BCAS3: variants seen among roughly 807,000 people sequenced by gnomAD.
The protein encoded by BCAS3 is BCAS3 microtubule associated cell migration factor, also known as BCAS4/BCAS3 fusion.
BCAS3 carries 53 observed loss-of-function variants against 116.1 expected under a neutral mutation model. The ratio of observed to expected loss-of-function variants is 0.46; its 90% CI spans 0.37 to 0.57. BCAS3 has a LOEUF of 0.57. BCAS3 is among the 20% of genes least tolerant of loss of function. BCAS3 has a pLI of 0.00. For synonymous variants in BCAS3, 391 were observed against 408.2 expected, an observed-to-expected ratio of 0.96 and a Z score of 0.51; for missense variants, 917 against 1,165.4, an observed-to-expected ratio of 0.79 and a Z score of 3.10.
intron 10 of BCAS3, chr17:60,891,738 G>A: frequency 2.2e-6 from 1 of 455,968 alleles, no homozygotes; most frequent in Non-Finnish European, 4.4e-6. Context: ...TCAGCTTCTA[G>A]TGTATCCATC....
intron 22 of BCAS3, among the ~76,000 whole-genome samples, chr17:61,263,737 A>G (rs2049425145): frequency 1.3e-5 from 2 of 152,246 alleles, no homozygotes; most frequent in African/African-American, 2.4e-5. Flanking sequence ...CATGTATTAT[A>G]AAGCTGTAAT....
At chr17:61,001,479 A>C (rs1004666084) in intron 15 of BCAS3, among the ~76,000 whole-genome samples, 8 of 152,194 alleles carry the variant, frequency 5.3e-5, no homozygotes, top group Non-Finnish European at 8.8e-5. Context: ...AATCAATGAT[A>C]ATGTGATGTT....
chr17:61,119,926 C>G (rs2075695910), intron 22 of BCAS3, among the ~76,000 whole-genome samples: 1 of 151,722 alleles, frequency 6.6e-6, no homozygotes, highest in African/African-American at 2.4e-5. Flanking sequence ...AGGAATAACC[C>G]TAAGAAGAAA....
intron 13 of BCAS3, among the ~76,000 whole-genome samples, chr17:60,937,076 A>G (rs1448362153): frequency 6.6e-6 from 1 of 152,134 alleles, no homozygotes; most frequent in Non-Finnish European, 1.5e-5. Context: ...CTTTCTACAT[A>G]TGGCTAGCCA....
chr17:61,357,257 TAAA>T (rs1217494978), intron 22 of BCAS3, among the ~76,000 whole-genome samples: 8,217 of 145,856 alleles, frequency 0.056, 285 homozygotes, highest in African/African-American at 0.088. Context: ...AATAAATAAA[TAAA>T]TAAATAAATT....
rs990299653 is a variant in BCAS3, at chr17:61,365,587, G to T, written c.2426-2740G>T. 6.6e-6 allele frequency among the ~76,000 whole-genome samples: 1 copy of T among 152,072 alleles called. No homozygotes were observed. The highest frequency in any genetic ancestry group is 2.4e-5 in the African/African-American group (1 of 41,422). On this transcript the variant is annotated intron_variant, in intron 22 of 23. Coordinates refer to ENST00000407086, the MANE Select transcript of BCAS3 (RefSeq NM_017679.5). The surrounding 1 kb of genome is among the most constrained non-coding windows in gnomAD (Gnocchi z 4.6). ...GGCCTCAAGTGATCTGCTCACCTTGGCCTCCCAAAGTGCTGGGATTACAGG... is the reference window on the plus strand; with the variant it reads ...GGCCTCAAGTGATCTGCTCACCTTGTCCTCCCAAAGTGCTGGGATTACAGG...
At chr17:60,774,574 C>T (rs928909771) in intron 6 of BCAS3, among the ~76,000 whole-genome samples, 1 of 152,102 alleles carries the variant, frequency 6.6e-6, no homozygotes, top group Admixed American at 6.6e-5. Flanking sequence ...TGGTTTTGTC[C>T]TGGGACACAG....
intron 6 of BCAS3, among the ~76,000 whole-genome samples, chr17:60,758,482 A>G (rs1361757830): frequency 6.6e-6 from 1 of 151,956 alleles, no homozygotes; most frequent in Non-Finnish European, 1.5e-5. Context: ...TCCGGTTCAA[A>G]CAGTTCTTCT....
chr17:60,908,576 T>G (rs1223188637), intron 11 of BCAS3, among the ~76,000 whole-genome samples: 1 of 152,196 alleles, frequency 6.6e-6, no homozygotes, highest in African/African-American at 2.4e-5. Context: ...CTGAATCTGT[T>G]GGTCCTTCAG....
At chr17:61,253,558 G>A (rs2048533198) in intron 22 of BCAS3, among the ~76,000 whole-genome samples, 1 of 151,904 alleles carries the variant, frequency 6.6e-6, no homozygotes, top group African/African-American at 2.4e-5. Flanking sequence ...AGCAGTCCCA[G>A]GAACTTGGCC....
At chr17:60,938,333 T>G (rs2060044742) in intron 13 of BCAS3, among the ~76,000 whole-genome samples, 1 of 152,216 alleles carries the variant, frequency 6.6e-6, no homozygotes, top group Non-Finnish European at 1.5e-5. Flanking sequence ...GGAGTAAGTA[T>G]AGACATAGAT....
intron 21 of BCAS3, among the ~76,000 whole-genome samples, chr17:61,079,909 T>TTTTG (rs1555704302): frequency 1.5e-5 from 2 of 136,128 alleles, no homozygotes; most frequent in African/African-American, 3.3e-5. Flanking sequence ...TTTTTTTTTT[T>TTTTG]GAGACTGAGT....
At position 61,249,660 on chromosome 17, in the gene BCAS3, C is replaced by T. The variant is rs923107472; in HGVS notation, c.2426-118667C>T. The stretch of plus-strand genomic sequence containing the variant: ...TGATCTAAGGGAAAATTCTTTTTCT[C>T]GTGTTGTTTTAGGAAGCTCAGAATT... On this transcript the variant is annotated intron_variant, in intron 22 of 23. Transcript: ENST00000407086. This position sits in a 1 kb window ranked among gnomAD's most constrained non-coding sequence, Gnocchi z 6.2. Among the ~76,000 whole-genome samples the T allele has an allele frequency of 4.6e-5, 7 of 152,040 alleles. No homozygotes were observed. Among genetic ancestry groups the T allele is most frequent in the African/African-American group, 1.2e-4 (5 of 41,398 alleles).
At position 61,008,864 on chromosome 17, in the gene BCAS3, A is replaced by G. The variant is rs1053854725; in HGVS notation, c.1487-6887A>G. Reference sequence around the variant, plus strand: ...TATTTGGGACTGGGGCTGTTTCCGTAGAATTGTCTTCTGAGGAGTGCCAGA... The same window carrying G: ...TATTTGGGACTGGGGCTGTTTCCGTGGAATTGTCTTCTGAGGAGTGCCAGA... On this transcript the variant is annotated intron_variant, in intron 15 of 23. Coordinates refer to ENST00000407086, the MANE Select transcript of BCAS3 (RefSeq NM_017679.5). This position sits in a 1 kb window ranked among gnomAD's most constrained non-coding sequence, Gnocchi z 4.6. Among the ~76,000 whole-genome samples the G allele has an allele frequency of 2.6e-5, 4 of 152,016 alleles. No individual in the cohort carries two copies. Among genetic ancestry groups the G allele is most frequent in the African/African-American group, 9.7e-5 (4 of 41,426 alleles).
chr17:61,315,116 T>C lies in BCAS3; in HGVS notation c.2426-53211T>C. Reference sequence around the variant, plus strand: ...ACACTGCTCAGCCTACACTCCCTTTTCTTTTTCTTTTTTTCGCGAGACAGA... The same window carrying C: ...ACACTGCTCAGCCTACACTCCCTTTCCTTTTTCTTTTTTTCGCGAGACAGA... On this transcript the variant is annotated intron_variant, in intron 22 of 23. Coordinates refer to ENST00000407086, the MANE Select transcript of BCAS3 (RefSeq NM_017679.5). This position sits in a 1 kb window ranked among gnomAD's most constrained non-coding sequence, Gnocchi z 5.3. Among the ~76,000 whole-genome samples, 1 of 152,064 alleles carries C rather than the reference T, an allele frequency of 6.6e-6. No individual in the cohort carries two copies. Among genetic ancestry groups the C allele is most frequent in the East Asian group, 1.9e-4 (1 of 5,184 alleles).
At chr17:61,369,323 C>G (rs942674480) in intron 23 of BCAS3, among the ~76,000 whole-genome samples, 9 of 152,184 alleles carry the variant, frequency 5.9e-5, no homozygotes, top group African/African-American at 2.2e-4. Context: ...TGGCTAGAGG[C>G]CTTTTCTCTC....
intron 22 of BCAS3, among the ~76,000 whole-genome samples, chr17:61,190,869 C>T (rs920105755): frequency 6.6e-6 from 1 of 152,134 alleles, no homozygotes; most frequent in Non-Finnish European, 1.5e-5. Context: ...TCCCAAAGTG[C>T]TTGGATTACC....
intron 22 of BCAS3, among the ~76,000 whole-genome samples, chr17:61,269,689 A>G (rs980266768): frequency 6.6e-6 from 1 of 151,990 alleles, no homozygotes; most frequent in African/African-American, 2.4e-5. Flanking sequence ...TCTGATTTGC[A>G]TTTCTCTGAT....
intron 14 of BCAS3, among the ~76,000 whole-genome samples, chr17:60,975,107 T>C (rs1393275262): frequency 6.6e-6 from 1 of 151,272 alleles, no homozygotes; most frequent in African/African-American, 2.4e-5. Context: ...GTTCACGCCA[T>C]TCTCCTGCCT....
Sources: allele counts gnomAD v4.1 joint callset (sites outside exome capture counted in the v4.1 genomes callset), GRCh38; gene constraint gnomAD v4.1.1; non-coding constraint Gnocchi (gnomAD v3.1); transcripts MANE v1.5; gene names NCBI Gene and HGNC (gene_info 2026-07-23, HGNC 2026-07-21).